The following SYNE3 variants were observed in gnomAD, a reference collection of about 807,000 sequenced individuals.
SYNE3 encodes nesprin-3.
SYNE3 carries 100 observed loss-of-function variants against 111.2 expected under a neutral mutation model. The observed-to-expected ratio is 0.90, with a 90% CI of 0.77 to 1.06. The LOEUF (loss-of-function observed/expected upper bound fraction) is 1.06. SYNE3 is among the 50% of genes least tolerant of loss of function. The pLI is 0.00. For missense variants in SYNE3, 1,160 were observed against 1,240.3 expected (o/e 0.94, Z 0.97); for synonymous variants, 547 against 533.9 (o/e 1.02, Z -0.34).
At position 95,500,978 on chromosome 14, in the gene SYNE3, C is replaced by T. The variant is rs1595260156; in HGVS notation, c.-15+15618G>A. 6.6e-6 allele frequency among the ~76,000 whole-genome samples: 1 copy of T among 152,232 alleles called. No individual in the cohort carries two copies. The highest frequency in any genetic ancestry group is 2.1e-4 in the South Asian group (1 of 4,834). The stretch of plus-strand genomic sequence containing the variant: ...TCTCTCTCCTCTCAGACAATACTGG[C>T]TTTAATGAATTTCTCTAAAGGGACT... On this transcript the variant is annotated intron_variant, in intron 1 of 17. Transcript: ENST00000682763. This position sits in a 1 kb window ranked among gnomAD's most constrained non-coding sequence, Gnocchi z 4.7.
Position 95,443,039 on chromosome 14 carries a change from G to A in SYNE3, c.1911+116C>T. 4 of 1,329,884 alleles carry A rather than the reference G, an allele frequency of 3.0e-6. No individual in the cohort carries two copies. In the South Asian group the frequency reaches 4.3e-5, roughly 14 times the overall value. 82.4% of individuals were successfully genotyped at this position (1,329,884 alleles called of 1,614,324 possible). ...AGGAAGGGAAGAAAACAGGGAGAAA[G>A]AAAAAAGAGAGGTTAGAAGGAATGA... On this transcript the variant is annotated intron_variant, in intron 11 of 17. Transcript: ENST00000682763.
intron 1 of SYNE3, among the ~76,000 whole-genome samples, chr14:95,489,930 G>T (rs375670251): frequency 9.9e-5 from 15 of 152,212 alleles, no homozygotes; most frequent in African/African-American, 3.4e-4. Flanking sequence ...GGCCACGAGT[G>T]GGGGCAGAAC....
In SYNE3 at chr14:95,411,513, A is replaced by C. The variant is rs1903434419; in HGVS notation, c.*6313T>G. 1 of 152,140 alleles carries C rather than the reference A, an allele frequency of 6.6e-6. No individual in the cohort carries two copies. The highest frequency in any genetic ancestry group is 1.5e-5 in the Non-Finnish European group (1 of 68,044). The allele number at this position is 152,140 out of a possible 1,614,324, so 9.4% of individuals were successfully genotyped here. A position where few individuals can be genotyped will look rare whatever the true frequency, so the allele number is the denominator to read the frequency against. On this transcript the variant is annotated 3_prime_UTR_variant, in exon 18 of 18. Transcript: ENST00000682763. ...GGGGAGTGGGAAAGGTTGGTGATCA[A>C]CTATTTTGATGTCTGTCTTGGAAGC...
chr14:95,445,771 G>A, intron 9 of SYNE3, 138 bp downstream of exon 9: 3 of 903,842 alleles, frequency 3.3e-6, no homozygotes, highest in South Asian at 3.3e-5. Flanking sequence ...AGATGGTCAG[G>A]GACAAAGGGA....
At chr14:95,452,123 A>G in intron 7 of SYNE3, 124 bp downstream of exon 7, 5 of 1,178,712 alleles carry the variant, frequency 4.2e-6, no homozygotes, top group Non-Finnish European at 5.8e-6. Flanking sequence ...CCAGTCATTG[A>G]GAGGTACAAA....
At position 95,410,578 on chromosome 14, in the gene SYNE3, C is replaced by A. The variant is rs1255884702; in HGVS notation, c.*7248G>T. On this transcript the variant is annotated 3_prime_UTR_variant, in exon 18 of 18. Coordinates refer to ENST00000682763, the MANE Select transcript of SYNE3 (RefSeq NM_152592.6). The stretch of plus-strand genomic sequence containing the variant: ...GATGAAAAATTGGAGGTACAGCAAG[C>A]ATCCTGGGCCATGAAGTGACTGTGA... 1 of 152,254 alleles carries A rather than the reference C, an allele frequency of 6.6e-6. No individual in the cohort carries two copies. The highest frequency in any genetic ancestry group is 1.5e-5 in the Non-Finnish European group (1 of 68,082). 9.4% of individuals were successfully genotyped at this position (152,254 alleles called of 1,614,324 possible).
At position 95,443,242 on chromosome 14, in the gene SYNE3, T is replaced by C; in HGVS notation, c.1824A>G (p.Ala608=). The change falls in exon 11 of 18, where the codon GCA becomes GCG. Residue 608 remains alanine, a synonymous_variant. Coordinates refer to ENST00000682763, the MANE Select transcript of SYNE3 (RefSeq NM_152592.6). ...TGGGGTTCTCCTGGACCAGAGGCCT[T>C]GCAGCCTCCATCTGTGCCCCCAAGT... ...GLDLGAQMEA[A]RPLVQENPNH... 1.2e-6 allele frequency: 2 copies of C among 1,614,204 alleles called. No individual in the cohort carries two copies. The highest frequency in any genetic ancestry group is 1.7e-6 in the Non-Finnish European group (2 of 1,180,014).
intron 1 of SYNE3, among the ~76,000 whole-genome samples, chr14:95,514,442 G>A (rs1191596429): frequency 1.3e-5 from 2 of 152,226 alleles, no homozygotes; most frequent in Admixed American, 1.3e-4. Context: ...ATCAAGGCAG[G>A]GAGAAGAGGG....
rs1886328826 is a variant in SYNE3 at position 95,440,089 on chromosome 14, CG to C, written c.1912-15del. 5.0e-6 allele frequency: 8 copies of C among 1,586,250 alleles called. No individual in the cohort carries two copies. The highest frequency in any genetic ancestry group is 6.8e-6 in the Non-Finnish European group (8 of 1,170,104). On this transcript the variant is annotated splice_polypyrimidine_tract_variant and intron_variant, in intron 11 of 17. Transcript: ENST00000682763. ...GTCCACAAGGTCCTGCAGCACAGCC[CG>C]GGGAGCCCAGGGCATCCTGAGTGCT...
In SYNE3 at chr14:95,453,411, T is replaced by G. The variant is rs578166871; in HGVS notation, c.1138-1028A>C. ...CCACGGATGAACAGGGTTTAGAGTA[T>G]TAAGCTCAAGGGAGAAAGCACAAAT... On this transcript the variant is annotated intron_variant, in intron 6 of 17. Transcript: ENST00000682763. 3.6e-4 allele frequency among the ~76,000 whole-genome samples: 55 copies of G among 152,252 alleles called. 1 individual carries two copies. In the South Asian group the frequency reaches 0.011, roughly 30 times the overall value.
Position 95,462,370 on chromosome 14 carries a change from T to C in SYNE3, c.627+3561A>G, listed in dbSNP as rs753381146. On this transcript the variant is annotated intron_variant, in intron 4 of 17. Transcript: ENST00000682763. Reference sequence around the variant, plus strand: ...TGCAGGAAGACTTCATGAGGGGCCATGGCCTTCAGCCAACAGCTGAGAAAG... The same window carrying C: ...TGCAGGAAGACTTCATGAGGGGCCACGGCCTTCAGCCAACAGCTGAGAAAG... Among the ~76,000 whole-genome samples, 17 of 152,368 alleles carry C rather than the reference T, an allele frequency of 1.1e-4. No homozygotes were observed. The South Asian group carries it at 2.1e-3, about 19-fold the overall frequency.
At chr14:95,497,405 A>G (rs1890138412) in intron 1 of SYNE3, among the ~76,000 whole-genome samples, 1 of 151,920 alleles carries the variant, frequency 6.6e-6, no homozygotes, top group Non-Finnish European at 1.5e-5. Context: ...TAGGTGCTAT[A>G]TAACAAATAA....
intron 5 of SYNE3, chr14:95,455,997 T>G: frequency 2.2e-6 from 1 of 448,082 alleles, no homozygotes; most frequent in Non-Finnish European, 3.9e-6. Context: ...TCTTGAACAC[T>G]TTCTGACATT....
chr14:95,494,030 C>T (rs543920516), intron 1 of SYNE3, among the ~76,000 whole-genome samples: 1 of 152,126 alleles, frequency 6.6e-6, no homozygotes, highest in Admixed American at 6.5e-5. Flanking sequence ...AATCTAACAC[C>T]ATTTAGCCAG....
intron 1 of SYNE3, among the ~76,000 whole-genome samples, chr14:95,487,444 G>A (rs1231774629): frequency 6.6e-6 from 1 of 152,144 alleles, no homozygotes; most frequent in African/African-American, 2.4e-5. Context: ...TTCACTGTCC[G>A]TGTTGCTGGC....
chr14:95,456,425 G>A (rs998364311), intron 5 of SYNE3, among the ~76,000 whole-genome samples: 7 of 152,216 alleles, frequency 4.6e-5, no homozygotes, highest in African/African-American at 1.4e-4. Context: ...CCATTGCCAC[G>A]TGGGCTGGAT....
chr14:95,443,820 T>C (rs1886543641), intron 10 of SYNE3: 1 of 138,754 alleles, frequency 7.2e-6, no homozygotes, highest in Non-Finnish European at 1.6e-5. Flanking sequence ...CTAAATTTTT[T>C]GCTTTTTTAA....
intron 5 of SYNE3, among the ~76,000 whole-genome samples, chr14:95,456,418 T>C (rs1289951459): frequency 6.6e-6 from 1 of 152,210 alleles, no homozygotes; most frequent in Middle Eastern, 3.2e-3. Context: ...CTTGGCACCA[T>C]TGCCACGTGG....
chr14:95,461,403 T>C (rs763212828), intron 4 of SYNE3, among the ~76,000 whole-genome samples: 59 of 152,174 alleles, frequency 3.9e-4, no homozygotes, highest in Admixed American at 1.5e-3. Context: ...GCCTGCCCTG[T>C]CTACATTTCA....
Sources: gnomAD v4.1 joint callset for allele counts (sites outside exome capture counted in the v4.1 genomes callset) on GRCh38, gnomAD v4.1.1 for gene constraint, Gnocchi (gnomAD v3.1) non-coding constraint, MANE v1.5 for transcripts, NCBI Gene and HGNC (gene_info 2026-07-23, HGNC 2026-07-21) for gene names.